The following SMIM36 variants were observed in gnomAD, a reference collection of about 807,000 sequenced individuals.
The protein encoded by SMIM36 is small integral membrane protein 36.
At chr17:55,522,336 A>C in the SMIM36 span, among the ~76,000 whole-genome samples, 1 of 152,186 alleles carries the variant, frequency 6.6e-6, no homozygotes, top group Non-Finnish European at 1.5e-5. Flanking sequence ...CATTCCTTAT[A>C]AAAGAAAAAC....
At chr17:55,501,401 T>TTATCTATTATAGAATATAATA (rs1462289068) in intron 1 of SMIM36, among the ~76,000 whole-genome samples, 4 of 18,176 alleles carry the variant, frequency 2.2e-4, no homozygotes, top group African/African-American at 1.3e-3. Context: ...ATATTATATA[T>TTATCTATTATAGAATATAATA]TATTATATAT....
the SMIM36 span, among the ~76,000 whole-genome samples, chr17:55,523,927 T>A: frequency 6.6e-6 from 1 of 152,170 alleles, no homozygotes; most frequent in Non-Finnish European, 1.5e-5. Context: ...TCTTTTTTTT[T>A]AACTTTTATT....
chr17:55,486,783 G>C (rs1909615676), intron 1 of SMIM36, among the ~76,000 whole-genome samples: 1 of 152,048 alleles, frequency 6.6e-6, no homozygotes, highest in Non-Finnish European at 1.5e-5. Flanking sequence ...TAACATGAAA[G>C]GAAAGAAATG....
At chr17:55,528,615 C>T in the SMIM36 span, among the ~76,000 whole-genome samples, 3 of 150,404 alleles carry the variant, frequency 2.0e-5, no homozygotes, top group Admixed American at 6.7e-5. Context: ...TGCAGTGGCA[C>T]GATCTCGGCT....
chr17:55,523,490 A>G, the SMIM36 span, among the ~76,000 whole-genome samples: 1 of 149,434 alleles, frequency 6.7e-6, no homozygotes, highest in Non-Finnish European at 1.5e-5. Context: ...AGATTGTGCC[A>G]TTGCACTCCA....
chr17:55,510,017 A>G (rs1195608793), intron 1 of SMIM36, among the ~76,000 whole-genome samples: 1 of 152,152 alleles, frequency 6.6e-6, no homozygotes, highest in Non-Finnish European at 1.5e-5. Flanking sequence ...ATCAGTGATC[A>G]TCATCATAGC....
upstream of SMIM36, among the ~76,000 whole-genome samples, chr17:55,511,662 C>A (rs966606013): frequency 2.6e-5 from 4 of 152,142 alleles, no homozygotes; most frequent in Non-Finnish European, 5.9e-5. Context: ...AGCATCCACA[C>A]AGGCAGTTTG....
chr17:55,516,589 C>T, the SMIM36 span, among the ~76,000 whole-genome samples: 1 of 129,786 alleles, frequency 7.7e-6, no homozygotes, highest in Non-Finnish European at 1.6e-5. Context: ...GAGACAGTCT[C>T]ACTCTGTCAC....
intron 1 of SMIM36, among the ~76,000 whole-genome samples, chr17:55,488,452 A>G (rs1909644889): frequency 6.6e-6 from 1 of 152,212 alleles, no homozygotes; most frequent in African/African-American, 2.4e-5. Flanking sequence ...CCAGGGTTTA[A>G]TACTGTGCAT....
chr17:55,478,583 G>C (rs1909465546), intron 3 of SMIM36, among the ~76,000 whole-genome samples, 179 bp downstream of exon 3: 1 of 152,002 alleles, frequency 6.6e-6, no homozygotes, highest in Non-Finnish European at 1.5e-5. Flanking sequence ...TAGGATTTAG[G>C]AATAATAGTA....
intron 4 of SMIM36, among the ~76,000 whole-genome samples, chr17:55,463,418 A>G (rs1172681114): frequency 6.6e-6 from 1 of 152,166 alleles, no homozygotes; most frequent in African/African-American, 2.4e-5. Context: ...ATTGTCAGCC[A>G]TGGTGGCACA....
the SMIM36 span, among the ~76,000 whole-genome samples, chr17:55,519,101 T>C: frequency 6.6e-6 from 1 of 152,106 alleles, no homozygotes; most frequent in Admixed American, 6.5e-5. Flanking sequence ...GAAATAGTTA[T>C]TTTGACAAAA....
intron 3 of SMIM36, 77 bp downstream of exon 3, chr17:55,478,685 C>T (rs987883230): frequency 6.6e-6 from 1 of 152,160 alleles, no homozygotes; most frequent in Non-Finnish European, 1.5e-5. Flanking sequence ...GGAAGCCTAA[C>T]ATATAAAACA....
intron 1 of SMIM36, among the ~76,000 whole-genome samples, chr17:55,500,094 C>T (rs1031307345): frequency 1.3e-5 from 2 of 151,128 alleles, no homozygotes; most frequent in African/African-American, 4.9e-5. Flanking sequence ...GCAATTTCTT[C>T]TGGGCTTATT....
rs921627481 is a variant in SMIM36 at position 55,460,206 on chromosome 17, G to A, written c.*531+6939C>T. ...GCACTTTGGGAGGCCGAGGCAGGTG[G>A]ATCACAAGGTCAGGAGTTCAAGACC... is the stretch of plus-strand genomic sequence containing the variant. On this transcript the variant is annotated intron_variant, in intron 4 of 4. Transcript: ENST00000636752. Among the ~76,000 whole-genome samples, 14 of 152,096 alleles carry A rather than the reference G, an allele frequency of 9.2e-5. No individual in the cohort carries two copies. In the East Asian group the frequency reaches 2.5e-3, roughly 27 times the overall value.
intron 1 of SMIM36, among the ~76,000 whole-genome samples, chr17:55,489,364 A>G (rs1364488733): frequency 7.0e-6 from 1 of 142,296 alleles, no homozygotes; most frequent in African/African-American, 2.7e-5. Context: ...GACAGAACAA[A>G]ACCCTGTCTC....
chr17:55,462,944 C>G (rs765388982), intron 4 of SMIM36, among the ~76,000 whole-genome samples: 2 of 152,162 alleles, frequency 1.3e-5, no homozygotes, highest in African/African-American at 2.4e-5. Context: ...GTTAAAGAGG[C>G]CTTTCCCACA....
At chr17:55,482,128 A>G (rs1162513584) in intron 1 of SMIM36, among the ~76,000 whole-genome samples, 1 of 152,198 alleles carries the variant, frequency 6.6e-6, no homozygotes, top group Non-Finnish European at 1.5e-5. Flanking sequence ...ACAGATGAAG[A>G]CTTTTTGCCA....
At chr17:55,469,277 G>A (rs1384677403) in intron 3 of SMIM36, among the ~76,000 whole-genome samples, 1 of 152,098 alleles carries the variant, frequency 6.6e-6, no homozygotes, top group African/African-American at 2.4e-5. Flanking sequence ...CCCCAAAATT[G>A]CCTCTGACAG....
Sources: gnomAD v4.1 joint callset for allele counts (sites outside exome capture counted in the v4.1 genomes callset) on GRCh38, gnomAD v4.1.1 for gene constraint, MANE v1.5 for transcripts, NCBI Gene and HGNC (gene_info 2026-07-23, HGNC 2026-07-21) for gene names.